The following ITK variants were observed in gnomAD, a reference collection of about 807,000 sequenced individuals.
ITK encodes the protein IL2 inducible T cell kinase, also known as tyrosine-protein kinase ITK/TSK.
A neutral mutation model predicts 87.6 loss-of-function variants in ITK; 45 were observed. The observed-to-expected ratio is 0.51, with a 90% CI of 0.40 to 0.66. ITK has a LOEUF of 0.66. Among genes scored for constraint, ITK ranks in the 30% least tolerant of loss-of-function variants. ITK has a pLI of 0.00. For missense variants in ITK, 605 were observed against 766.3 expected (o/e 0.79, Z 2.48); for synonymous variants, 303 against 273.6 (o/e 1.11, Z -1.06).
At chr5:157,199,290 C>A (rs1016530837) in intron 1 of ITK, 5 of 151,604 alleles carry the variant, frequency 3.3e-5, no homozygotes, top group Non-Finnish European at 7.4e-5. Context: ...AAGCTGAAAA[C>A]TGCTATTTTT....
At chr5:157,216,208 C>T (rs917004781) in intron 4 of ITK, among the ~76,000 whole-genome samples, 11 of 152,142 alleles carry the variant, frequency 7.2e-5, no homozygotes, top group Admixed American at 3.9e-4. Context: ...GCACTGTGAA[C>T]GCAGCTTATG....
At chr5:157,189,536 T>C (rs152118) in intron 1 of ITK, among the ~76,000 whole-genome samples, 116,224 of 152,204 alleles carry the variant, frequency 0.76, 44,899 homozygotes, top group African/African-American at 0.89. Flanking sequence ...AAAAAATTAG[T>C]CAGGCGTGGT....
chr5:157,235,043 T>C (rs1298622759), intron 8 of ITK, among the ~76,000 whole-genome samples: 1 of 152,216 alleles, frequency 6.6e-6, no homozygotes, highest in Non-Finnish European at 1.5e-5. Context: ...ATTTATCTTG[T>C]TCCTGCTGTA....
intron 1 of ITK, chr5:157,195,759 C>A (rs1360761176): frequency 6.6e-6 from 1 of 152,110 alleles, no homozygotes; most frequent in Non-Finnish European, 1.5e-5. Context: ...AGTTGGTTAA[C>A]AATGTATCCT....
intron 8 of ITK, among the ~76,000 whole-genome samples, chr5:157,235,739 CAA>C (rs1432312318): frequency 6.6e-6 from 1 of 152,214 alleles, no homozygotes; most frequent in Non-Finnish European, 1.5e-5. Flanking sequence ...TGCAGCATAA[CAA>C]GACTATGAAT....
rs909970528 is a variant in ITK, at chr5:157,254,952, G to A, written c.*2274G>A. 1.1e-4 allele frequency: 24 copies of A among 213,790 alleles called. No individual in the cohort carries two copies. Among genetic ancestry groups the A allele is most frequent in the African/African-American group, 4.5e-4 (20 of 44,160 alleles). The allele number at this position is 213,790 out of a possible 1,614,324, so 13.2% of individuals were successfully genotyped here. On this transcript the variant is annotated 3_prime_UTR_variant, in exon 17 of 17. Transcript: ENST00000422843. ...TTAAATGGTCCCCTGTGTTTGTAGA[G>A]AACTCCCTTATACAGAGTTTTGGTT...
intron 8 of ITK, among the ~76,000 whole-genome samples, chr5:157,236,102 G>A (rs560204362): frequency 2.6e-5 from 4 of 152,202 alleles, no homozygotes; most frequent in Non-Finnish European, 2.9e-5. Context: ...GGCCAGGCAC[G>A]GTGGCTCATG....
At chr5:157,228,135 G>A (rs34449697) in intron 6 of ITK, among the ~76,000 whole-genome samples, 161 bp from the exon 7 acceptor site, 2,500 of 152,028 alleles carry the variant, frequency 0.016, 29 homozygotes, top group Non-Finnish European at 0.027. Flanking sequence ...CACCGCCCCC[G>A]GCCTACCAAT....
At chr5:157,204,394 C>T (rs1306000407) in intron 1 of ITK, among the ~76,000 whole-genome samples, 1 of 151,764 alleles carries the variant, frequency 6.6e-6, no homozygotes, top group Admixed American at 6.6e-5. Context: ...AACCCCATCT[C>T]TACTAAAATA....
At chr5:157,200,015 T>C (rs954917216) in intron 1 of ITK, among the ~76,000 whole-genome samples, 2 of 150,898 alleles carry the variant, frequency 1.3e-5, no homozygotes, top group South Asian at 2.1e-4. Flanking sequence ...CTCTGTGAGA[T>C]CTATTGAAAG....
chr5:157,245,813 G>A (rs748990231), intron 14 of ITK, 23 bp downstream of exon 14: 12 of 1,613,034 alleles, frequency 7.4e-6, no homozygotes, highest in Non-Finnish European at 1.0e-5. Context: ...TGTGGTGCCG[G>A]TGAAGTCTCA....
At position 157,249,109 on chromosome 5, in the gene ITK, G is replaced by A. The variant is rs184467367; in HGVS notation, c.1791+102G>A. 2.1e-4 allele frequency: 206 copies of A among 977,416 alleles called. 1 individual carries two copies. The African/African-American group carries it at 2.5e-3, about 12-fold the overall frequency. 60.5% of individuals were successfully genotyped at this position (977,416 alleles called of 1,614,324 possible). On this transcript the variant is annotated intron_variant, in intron 16 of 16. Transcript: ENST00000422843. ...CCTCTCAGAAGGATGAGGCAGGAGG[G>A]ATAACTAATATAGATTAGCAACAAC...
intron 1 of ITK, among the ~76,000 whole-genome samples, chr5:157,190,858 G>T (rs944018647): frequency 6.6e-6 from 1 of 152,186 alleles, no homozygotes; most frequent in Non-Finnish European, 1.5e-5. Context: ...CAAGACGAGG[G>T]GCAGAAGCCA....
At chr5:157,211,236 A>G (rs751699985) in intron 2 of ITK, 51 bp from the exon 3 acceptor site, 2 of 1,487,988 alleles carry the variant, frequency 1.3e-6, no homozygotes, top group Admixed American at 3.3e-5. Flanking sequence ...GCTGTCAGTC[A>G]ACTATCTCCA....
intron 6 of ITK, among the ~76,000 whole-genome samples, chr5:157,227,102 G>A (rs1161315992): frequency 2.0e-5 from 3 of 152,070 alleles, no homozygotes; most frequent in African/African-American, 7.3e-5. Context: ...TTACAGGTGT[G>A]AGCCACCACA....
At chr5:157,195,989 G>C (rs1204065735) in intron 1 of ITK, 1 of 152,134 alleles carries the variant, frequency 6.6e-6, no homozygotes, top group Non-Finnish European at 1.5e-5. Context: ...TGCCCACCAG[G>C]GGACATTTGA....
In ITK at chr5:157,223,100, C is replaced by T. The variant is rs997092133; in HGVS notation, c.647+86C>T. On this transcript the variant is annotated intron_variant, in intron 6 of 16. Coordinates refer to ENST00000422843, the MANE Select transcript of ITK (RefSeq NM_005546.4). ...CCAGGATGATTTGTCCTATCTCCCACAGTGTAACCACAGCACTGAGGTGGG... is the reference window on the plus strand; with the variant it reads ...CCAGGATGATTTGTCCTATCTCCCATAGTGTAACCACAGCACTGAGGTGGG... The T allele has an allele frequency of 3.2e-5, 48 of 1,493,666 alleles. No homozygotes were observed. The Admixed American group carries it at 8.0e-4, about 25-fold the overall frequency. 92.5% of individuals were successfully genotyped at this position (1,493,666 alleles called of 1,614,324 possible).
intron 1 of ITK, among the ~76,000 whole-genome samples, chr5:157,201,154 T>C (rs1191447692): frequency 2.0e-5 from 3 of 152,104 alleles, no homozygotes; most frequent in Non-Finnish European, 4.4e-5. Flanking sequence ...CAACACTCTT[T>C]GTGATAAAAC....
intron 10 of ITK, chr5:157,240,914 T>G (rs891418769): frequency 6.6e-6 from 1 of 150,390 alleles, no homozygotes; most frequent in Non-Finnish European, 1.5e-5. Flanking sequence ...TTTTCTTTTC[T>G]TTCTTTTCCT....
Sources: allele counts gnomAD v4.1 joint callset (sites outside exome capture counted in the v4.1 genomes callset), GRCh38; gene constraint gnomAD v4.1.1; transcripts MANE v1.5; gene names NCBI Gene and HGNC (gene_info 2026-07-23, HGNC 2026-07-21).